MSANTD2: variants seen among roughly 807,000 people sequenced by gnomAD.
MSANTD2 encodes myb/SANT-like DNA-binding domain-containing protein 2.
A neutral mutation model predicts 52.6 loss-of-function variants in MSANTD2; 19 were observed. The ratio of observed to expected loss-of-function variants is 0.36; its 90% CI spans 0.25 to 0.53. The LOEUF (loss-of-function observed/expected upper bound fraction) is 0.53. Ranked by LOEUF, MSANTD2 falls within the 20% of genes least tolerant of loss-of-function variation. The pLI is 0.91. For missense variants in MSANTD2, 558 were observed against 716.3 expected, an observed-to-expected ratio of 0.78 and a Z score of 2.52; for synonymous variants, 291 against 289.7, an observed-to-expected ratio of 1.00 and a Z score of -0.04.
intron 1 of MSANTD2, chr11:124,790,585 G>C (rs539774059): frequency 4.6e-5 from 7 of 152,264 alleles, no homozygotes; most frequent in Admixed American, 1.3e-4. Flanking sequence ...TTTCCATCTA[G>C]CTTACTGCAA....
intron 1 of MSANTD2, among the ~76,000 whole-genome samples, chr11:124,785,126 T>C (rs1945116216): frequency 6.6e-6 from 1 of 152,242 alleles, no homozygotes; most frequent in South Asian, 2.1e-4. Flanking sequence ...TTATATTCTA[T>C]TCTTAGCTTT....
intron 1 of MSANTD2, chr11:124,784,698 C>A (rs1945102802): frequency 1.0e-6 from 1 of 978,022 alleles, no homozygotes; most frequent in African/African-American, 1.8e-5. Flanking sequence ...CTAAAAACTA[C>A]CATCTATAGT....
chr11:124,783,891 G>C, intron 1 of MSANTD2: 1 of 985,216 alleles, frequency 1.0e-6, no homozygotes, highest in Non-Finnish European at 1.2e-6. Context: ...TGCTTCTCAT[G>C]GACACTCATA....
chr11:124,767,315 T>C lies in MSANTD2; in HGVS notation c.1541A>G (p.Asn514Ser). Reference protein sequence around the residue: ...WVGINGFLSQNCIVDPGVSPK... With the variant: ...WVGINGFLSQSCIVDPGVSPK... Reference sequence around the variant, plus strand: ...GGAAACTCCGGGATCCACAATACAGTTCTGAGACAAAAACCCGTTAATACC... The same window carrying C: ...GGAAACTCCGGGATCCACAATACAGCTCTGAGACAAAAACCCGTTAATACC... Residue 514 changes from asparagine (N) to serine (S), a missense_variant, in exon 4 of 4, where the codon AAC becomes AGC. By Grantham distance (46) the Asn-to-Ser change is conservative (BLOSUM62 1). Around this residue, in one of 2 missense-constraint regions of MSANTD2, gnomAD observed 408 missense variants for 573.6 expected, o/e 0.71. Coordinates refer to ENST00000374979, the MANE Select transcript of MSANTD2 (RefSeq NM_001308027.2). The surrounding 1 kb of genome is among the most constrained non-coding windows in gnomAD (Gnocchi z 6.5). 5 of 1,614,194 alleles carry C rather than the reference T, an allele frequency of 3.1e-6. No individual in the cohort carries two copies. The highest frequency in any genetic ancestry group is 4.2e-6 in the Non-Finnish European group (5 of 1,180,034).
intron 1 of MSANTD2, among the ~76,000 whole-genome samples, chr11:124,796,140 AAG>A (rs1945484495): frequency 6.6e-6 from 1 of 152,246 alleles, no homozygotes; most frequent in Non-Finnish European, 1.5e-5. Flanking sequence ...CTCAAAATCC[AAG>A]AGTTAAATTA....
chr11:124,770,972 T>C (rs1352476140), intron 3 of MSANTD2, among the ~76,000 whole-genome samples: 1 of 152,166 alleles, frequency 6.6e-6, no homozygotes, highest in Non-Finnish European at 1.5e-5. Context: ...GACCTCGTGA[T>C]CTGCCTGCAC....
chr11:124,775,062 CACAG>C (rs1029921483), intron 1 of MSANTD2, 88 bp from the exon 2 acceptor site: 4 of 1,199,208 alleles, frequency 3.3e-6, no homozygotes, highest in Non-Finnish European at 4.6e-6. Context: ...ATTAGACAGA[CACAG>C]ACAGACAAAC....
In MSANTD2 at chr11:124,766,935, T is replaced by C. The variant is rs147135582; in HGVS notation, c.*241A>G. On this transcript the variant is annotated 3_prime_UTR_variant, in exon 4 of 4. Coordinates refer to ENST00000374979, the MANE Select transcript of MSANTD2 (RefSeq NM_001308027.2). ...TGTTTTTCTGTTTTTAAAAAAGAAA[T>C]AGCTGACCCACCATGCAAGTTCGCT... is the stretch of plus-strand genomic sequence containing the variant. 6 of 383,938 alleles carry C rather than the reference T, an allele frequency of 1.6e-5. No individual in the cohort carries two copies. Among genetic ancestry groups the C allele is most frequent in the Admixed American group, 8.3e-5 (2 of 24,166 alleles). 23.8% of individuals were successfully genotyped at this position (383,938 alleles called of 1,614,324 possible). A position where few individuals can be genotyped will look rare whatever the true frequency, so the allele number is the denominator to read the frequency against.
chr11:124,786,095 C>CTTTTTTTT (rs200399771), intron 1 of MSANTD2, among the ~76,000 whole-genome samples: 90 of 114,320 alleles, frequency 7.9e-4, no homozygotes, highest in Non-Finnish European at 1.1e-3. Context: ...ATCATTTCTT[C>CTTTTTTTT]TTTTTTTTTT....
At chr11:124,792,457 A>T (rs888114754) in intron 1 of MSANTD2, 28 of 152,218 alleles carry the variant, frequency 1.8e-4, no homozygotes, top group African/African-American at 6.8e-4. Flanking sequence ...TTTGGTAAGT[A>T]TATCTCATTA....
chr11:124,774,248 C>T lies in MSANTD2; in HGVS notation c.766+471G>A, dbSNP rs1279124840. Among the ~76,000 whole-genome samples, 1 of 152,118 alleles carries T rather than the reference C, an allele frequency of 6.6e-6. No homozygotes were observed. The highest frequency in any genetic ancestry group is 1.5e-5 in the Non-Finnish European group (1 of 68,036). ...GCTCAAGTCTGAGAGAAGACCTTTT[C>T]CAAATCATAAACAGAAAAGAAAAAT... On this transcript the variant is annotated intron_variant, in intron 2 of 3. Coordinates refer to ENST00000374979, the MANE Select transcript of MSANTD2 (RefSeq NM_001308027.2). This position sits in a 1 kb window ranked among gnomAD's most constrained non-coding sequence, Gnocchi z 5.1.
chr11:124,767,228 A>G lies in MSANTD2; in HGVS notation c.1628T>C (p.Leu543Ser). The G allele has an allele frequency of 3.7e-6, 6 of 1,613,762 alleles. No homozygotes were observed. The highest frequency in any genetic ancestry group is 5.1e-6 in the Non-Finnish European group (6 of 1,179,904). Reference sequence around the variant, plus strand: ...AATGGCTTTTTCCAGGCACTCAACTAAAGAGCCTGCGGAAAGAAAATCCCT... The same window carrying G: ...AATGGCTTTTTCCAGGCACTCAACTGAAGAGCCTGCGGAAAGAAAATCCCT... ...VERDFLSAGS[L>S]VECLEKAIGY... Residue 543 changes from leucine to serine, a missense_variant, in exon 4 of 4, where the codon TTA (leucine) becomes TCA (serine). By Grantham distance (145) the Leu-to-Ser change is moderately radical. Around this residue, in one of 2 missense-constraint regions of MSANTD2, gnomAD observed 408 missense variants for 573.6 expected, o/e 0.71. Coordinates refer to ENST00000374979, the MANE Select transcript of MSANTD2 (RefSeq NM_001308027.2). This position sits in a 1 kb window ranked among gnomAD's most constrained non-coding sequence, Gnocchi z 6.5.
chr11:124,767,466 G>C lies in MSANTD2; in HGVS notation c.1390C>G (p.Gln464Glu). 1 of 1,614,214 alleles carries C rather than the reference G, an allele frequency of 6.2e-7. No individual in the cohort carries two copies. Among genetic ancestry groups the C allele is most frequent in the Non-Finnish European group, 8.5e-7 (1 of 1,180,038 alleles). Reference protein sequence around the residue: ...LETLSAQASLQVEIEPTRIIY... With the variant: ...LETLSAQASLEVEIEPTRIIY... ...ATTCGGGTGGGTTCTATTTCCACCT[G>C]TAATGAGGCTTGTGCTGAAAGGGTT... The change falls in exon 4 of 4, where the codon CAG (glutamine) becomes GAG (glutamate). Residue 464 changes from glutamine to glutamate, a missense_variant. Physicochemically the swap from Gln to Glu is conservative, Grantham distance 29. This residue lies in a region of MSANTD2 where 408 missense variants were observed against 573.6 expected (regional missense o/e 0.71). Transcript: ENST00000374979. This position sits in a 1 kb window ranked among gnomAD's most constrained non-coding sequence, Gnocchi z 6.5.
chr11:124,773,689 T>G (rs984560960), intron 2 of MSANTD2, among the ~76,000 whole-genome samples: 3 of 152,272 alleles, frequency 2.0e-5, no homozygotes, highest in Non-Finnish European at 4.4e-5. Context: ...AAAACAACAT[T>G]GCTAAGAAAC....
rs752037513 is a variant in MSANTD2, at chr11:124,800,374, C to T, written c.7G>A (p.Ala3Thr). ...GCGGGCAGCTCCGAGCCACAGGGCG[C>T]AGCCATCTTCCAAGCGGCCGCCGCT... The part of the protein sequence containing the change: MA[A>T]PCGSELPANS... The change falls in exon 1 of 4, where the codon GCG becomes ACG. Residue 3 changes from alanine (A) to threonine (T), a missense_variant. Coordinates refer to ENST00000374979, the MANE Select transcript of MSANTD2 (RefSeq NM_001308027.2). The surrounding 1 kb of genome is among the most constrained non-coding windows in gnomAD (Gnocchi z 4.3). 1 of 1,517,802 alleles carries T rather than the reference C, an allele frequency of 6.6e-7. No individual in the cohort carries two copies. Among genetic ancestry groups the T allele is most frequent in the Non-Finnish European group, 8.8e-7 (1 of 1,132,836 alleles). The allele number at this position is 1,517,802 out of a possible 1,614,324, so 94.0% of individuals were successfully genotyped here. A position where few individuals can be genotyped will look rare whatever the true frequency, so the allele number is the denominator to read the frequency against.
intron 1 of MSANTD2, among the ~76,000 whole-genome samples, chr11:124,781,903 T>C (rs1273839303): frequency 6.6e-6 from 1 of 152,200 alleles, no homozygotes; most frequent in African/African-American, 2.4e-5. Flanking sequence ...TCTGCCTGCC[T>C]TGGCCTCCCA....
rs1944651895 is a variant in MSANTD2 at position 124,774,218 on chromosome 11, T to C, written c.766+501A>G. ...AATGGAGGCTTCCCCTCATTTTGTG[T>C]TCAGGCTCAAGTCTGAGAGAAGACC... On this transcript the variant is annotated intron_variant, in intron 2 of 3. Transcript: ENST00000374979. The surrounding 1 kb of genome is among the most constrained non-coding windows in gnomAD (Gnocchi z 5.1). Among the ~76,000 whole-genome samples the C allele has an allele frequency of 6.6e-6, 1 of 152,206 alleles. No individual in the cohort carries two copies. Among genetic ancestry groups the C allele is most frequent in the Non-Finnish European group, 1.5e-5 (1 of 68,032 alleles).
intron 1 of MSANTD2, among the ~76,000 whole-genome samples, chr11:124,797,688 A>C (rs1446842215): frequency 2.0e-5 from 3 of 152,280 alleles, no homozygotes; most frequent in South Asian, 4.1e-4. Flanking sequence ...TTTAAAACAC[A>C]AAACAGTTAT....
At chr11:124,786,497 T>C (rs1348227081) in intron 1 of MSANTD2, among the ~76,000 whole-genome samples, 1 of 152,226 alleles carries the variant, frequency 6.6e-6, no homozygotes, top group East Asian at 1.9e-4. Flanking sequence ...GCTTTTACTG[T>C]CAAAAAGTAA....
Sources: gnomAD v4.1 joint callset for allele counts (sites outside exome capture counted in the v4.1 genomes callset) on GRCh38, gnomAD v4.1.1 for gene constraint, gnomAD v4.1.1 regional missense constraint, Gnocchi (gnomAD v3.1) non-coding constraint, MANE v1.5 for transcripts, NCBI Gene and HGNC (gene_info 2026-07-23, HGNC 2026-07-21) for gene names.